The following AFAP1L2 variants were observed in gnomAD, a reference collection of about 807,000 sequenced individuals.
The protein encoded by AFAP1L2 is actin filament-associated protein 1-like 2.
In AFAP1L2, 46 loss-of-function variants were observed where a neutral mutation model predicts 99.3. That is an observed-to-expected ratio of 0.46 (90% confidence interval 0.37 to 0.59). The LOEUF (loss-of-function observed/expected upper bound fraction) is 0.59. Ranked by LOEUF, AFAP1L2 falls within the 20% of genes least tolerant of loss-of-function variation. AFAP1L2 has a pLI of 0.00. For synonymous variants in AFAP1L2, 397 were observed against 419.1 expected (o/e 0.95, Z 0.64); for missense variants, 959 against 1,034.9 (o/e 0.93, Z 1.01).
intron 12 of AFAP1L2, 173 bp from the exon 13 acceptor site, chr10:114,301,638 C>A: frequency 1.7e-6 from 1 of 584,890 alleles, no homozygotes; most frequent in East Asian, 2.8e-5. Context: ...CCTCTTTTCC[C>A]AGTGCCTTCT....
chr10:114,306,708 AC>A lies in AFAP1L2; in HGVS notation c.1072+1096del, dbSNP rs536776513. 6.1e-3 allele frequency among the ~76,000 whole-genome samples: 930 copies of A among 151,304 alleles called. 8 individuals are homozygous for A. Among genetic ancestry groups the A allele is most frequent in the African/African-American group, 0.022 (897 of 41,154 alleles). On this transcript the variant is annotated intron_variant, in intron 10 of 18. Transcript: ENST00000304129. Reference sequence around the variant, plus strand: ...GAGGTGGGATCTCAGATCATTAAGCACCCCCAGTCCTGGGAAGGAGAGCAGC... The same window carrying A: ...GAGGTGGGATCTCAGATCATTAAGCACCCCAGTCCTGGGAAGGAGAGCAGC...
chr10:114,345,894 CCG>C (rs2049482696), intron 1 of AFAP1L2, among the ~76,000 whole-genome samples: 1 of 142,816 alleles, frequency 7.0e-6, no homozygotes, highest in South Asian at 2.2e-4. Context: ...CCATCAGACA[CCG>C]TGGTGAACCA....
chr10:114,284,349 A>C, the AFAP1L2 span, among the ~76,000 whole-genome samples: 1 of 151,926 alleles, frequency 6.6e-6, no homozygotes, highest in Non-Finnish European at 1.5e-5. Flanking sequence ...AGTTCCCATC[A>C]CTCCTTTTTA....
chr10:114,367,387 A>T (rs1203992022), intron 1 of AFAP1L2, among the ~76,000 whole-genome samples: 1 of 152,190 alleles, frequency 6.6e-6, no homozygotes, highest in Non-Finnish European at 1.5e-5. Flanking sequence ...CATCCCTAAA[A>T]TGCCAGGGGA....
intron 1 of AFAP1L2, among the ~76,000 whole-genome samples, chr10:114,388,780 T>C (rs942608689): frequency 2.0e-5 from 3 of 152,232 alleles, no homozygotes; most frequent in African/African-American, 4.8e-5. Context: ...CTGGGGCTGA[T>C]ACTTGAGCTT....
chr10:114,286,147 T>G, the AFAP1L2 span: 1 of 1,613,956 alleles, frequency 6.2e-7, no homozygotes, highest in African/African-American at 1.3e-5. Context: ...AGTACCAGGA[T>G]GTGCCTGACC....
chr10:114,358,373 C>T (rs1250566134), intron 1 of AFAP1L2, among the ~76,000 whole-genome samples: 1 of 152,124 alleles, frequency 6.6e-6, no homozygotes, highest in Non-Finnish European at 1.5e-5. Context: ...CAAAGGATAT[C>T]TCACTGAACT....
intron 1 of AFAP1L2, among the ~76,000 whole-genome samples, chr10:114,375,978 A>C (rs932490339): frequency 6.6e-6 from 1 of 152,174 alleles, no homozygotes; most frequent in Admixed American, 6.5e-5. Flanking sequence ...AAATACAAAA[A>C]AACAAAAACC....
At chr10:114,305,064 T>G in intron 10 of AFAP1L2, 134 bp from the exon 11 acceptor site, 4 of 586,690 alleles carry the variant, frequency 6.8e-6, no homozygotes, top group South Asian at 2.0e-5. Flanking sequence ...CGGATGCGGA[T>G]GCAAGAGGGG....
At chr10:114,340,113 C>A (rs2048589313) in intron 2 of AFAP1L2, among the ~76,000 whole-genome samples, 1 of 149,996 alleles carries the variant, frequency 6.7e-6, no homozygotes, top group Non-Finnish European at 1.5e-5. Context: ...GGGCGGATAG[C>A]TTGAGCCCAG....
At chr10:114,288,354 T>A in the AFAP1L2 span, among the ~76,000 whole-genome samples, 11 of 152,252 alleles carry the variant, frequency 7.2e-5, no homozygotes, top group Admixed American at 2.0e-4. Context: ...CCCTAGACTG[T>A]CAGCCTGTTG....
chr10:114,346,733 G>T (rs963194678), intron 1 of AFAP1L2, among the ~76,000 whole-genome samples: 7 of 152,198 alleles, frequency 4.6e-5, no homozygotes, highest in Non-Finnish European at 1.0e-4. Flanking sequence ...CCTTGTGCAG[G>T]CTTTCCATCC....
intron 11 of AFAP1L2, among the ~76,000 whole-genome samples, chr10:114,303,782 G>A (rs567221694): frequency 2.6e-5 from 4 of 152,244 alleles, no homozygotes; most frequent in African/African-American, 4.8e-5. Flanking sequence ...ATCTGAGCTT[G>A]CCGCCCTCCC....
At position 114,300,429 on chromosome 10, in the gene AFAP1L2, C is replaced by A. The variant is rs1215878798; in HGVS notation, c.1788+16G>T. On this transcript the variant is annotated intron_variant, in intron 14 of 18. Coordinates refer to ENST00000304129, the MANE Select transcript of AFAP1L2 (RefSeq NM_001001936.3). ...GCAGGAAGGTGGTCTTGCTGTCCTGCAGGGGAGGCCTGTACCTGTTCTCCC... is the reference window on the plus strand; with the variant it reads ...GCAGGAAGGTGGTCTTGCTGTCCTGAAGGGGAGGCCTGTACCTGTTCTCCC... 6.8e-7 allele frequency: 1 copy of A among 1,479,576 alleles called. No individual in the cohort carries two copies. Among genetic ancestry groups the A allele is most frequent in the South Asian group, 1.1e-5 (1 of 87,036 alleles). 91.7% of individuals were successfully genotyped at this position (1,479,576 alleles called of 1,614,324 possible).
chr10:114,295,569 T>C lies in AFAP1L2; in HGVS notation c.*473A>G, dbSNP rs1317243042. 4 of 986,774 alleles carry C rather than the reference T, an allele frequency of 4.1e-6. No homozygotes were observed. The highest frequency in any genetic ancestry group is 9.4e-5 in the South Asian group (2 of 21,360). 61.1% of individuals were successfully genotyped at this position (986,774 alleles called of 1,614,324 possible). On this transcript the variant is annotated 3_prime_UTR_variant, in exon 19 of 19. Coordinates refer to ENST00000304129, the MANE Select transcript of AFAP1L2 (RefSeq NM_001001936.3). ...TGGGCCTGGTAATATTGGAGAGAAC[T>C]GAAGGCAAGGATGGTTTAATCCCCA...
chr10:114,352,809 T>C (rs2136256747), intron 1 of AFAP1L2, among the ~76,000 whole-genome samples: 1 of 152,354 alleles, frequency 6.6e-6, no homozygotes, highest in East Asian at 1.9e-4. Context: ...CTGCCCCCTT[T>C]CCACTGCTCC....
intron 4 of AFAP1L2, among the ~76,000 whole-genome samples, chr10:114,327,147 T>TTTTATATATATATATATATATA (rs1364666260): frequency 7.3e-5 from 4 of 54,568 alleles, no homozygotes; most frequent in Admixed American, 2.6e-4. Context: ...TTATATATAT[T>TTTTATATATATATATATATATA]TATATATATA....
intron 4 of AFAP1L2, among the ~76,000 whole-genome samples, chr10:114,330,942 T>C (rs1325046919): frequency 6.6e-6 from 1 of 152,116 alleles, no homozygotes; most frequent in East Asian, 1.9e-4. Flanking sequence ...AGGGATGCCT[T>C]ACTTAGCCAG....
At chr10:114,391,736 G>GACA (rs2057180134) in intron 1 of AFAP1L2, among the ~76,000 whole-genome samples, 1 of 152,230 alleles carries the variant, frequency 6.6e-6, no homozygotes, top group Non-Finnish European at 1.5e-5. Flanking sequence ...GGCCCAGTGA[G>GACA]CCTTGACAAA....
Sources: allele counts gnomAD v4.1 joint callset (sites outside exome capture counted in the v4.1 genomes callset), GRCh38; gene constraint gnomAD v4.1.1; transcripts MANE v1.5; gene names NCBI Gene and HGNC (gene_info 2026-07-23, HGNC 2026-07-21).